FAM171B: variants seen among roughly 807,000 people sequenced by gnomAD.
FAM171B encodes the protein protein FAM171B.
In FAM171B, 19 loss-of-function variants were observed where a neutral mutation model predicts 75.6. That is an observed-to-expected ratio of 0.25 (90% CI 0.18 to 0.37). The LOEUF is 0.37. Ranked by LOEUF, FAM171B falls within the 10% of genes least tolerant of loss-of-function variation. The pLI, the probability that FAM171B is intolerant of heterozygous loss-of-function variation, is 1.00. For missense variants in FAM171B, 848 were observed against 982.4 expected (o/e 0.86, Z 1.83); for synonymous variants, 367 against 361.7 (o/e 1.01, Z -0.17).
chr2:186,751,497 C>CA (rs768653316), intron 5 of FAM171B, among the ~76,000 whole-genome samples, 193 bp downstream of exon 5: 2 of 151,904 alleles, frequency 1.3e-5, no homozygotes, highest in South Asian at 2.1e-4. Flanking sequence ...ATACACATGT[C>CA]AAAAAAATAG....
Position 186,762,576 on chromosome 2 carries a change from G to T in FAM171B, c.2234G>T (p.Ser745Ile). Residue 745 changes from serine (S) to isoleucine (I), a missense_variant, in exon 8 of 8, where the codon AGC (serine) becomes ATC (isoleucine). Transcript: ENST00000304698. This position sits in a 1 kb window ranked among gnomAD's most constrained non-coding sequence, Gnocchi z 4.0. Reference sequence around the variant, plus strand: ...TACTTAGAAGATTTAGACCTAAGCAGCAGTGAGAGTGGAACCACCGTCTGT... The same window carrying T: ...TACTTAGAAGATTTAGACCTAAGCATCAGTGAGAGTGGAACCACCGTCTGT... ...ILYLEDLDLS[S>I]SESGTTVCSP... 1 of 1,613,550 alleles carries T rather than the reference G, an allele frequency of 6.2e-7. No homozygotes were observed. The highest frequency in any genetic ancestry group is 8.5e-7 in the Non-Finnish European group (1 of 1,179,684).
In FAM171B at chr2:186,763,429, G is replaced by T. The variant is rs1690653794; in HGVS notation, c.*606G>T. 1.3e-5 allele frequency: 2 copies of T among 152,124 alleles called. No homozygotes were observed. Among genetic ancestry groups the T allele is most frequent in the Non-Finnish European group, 2.9e-5 (2 of 68,004 alleles). The allele number at this position is 152,124 out of a possible 1,614,324, so 9.4% of individuals were successfully genotyped here. A position where few individuals can be genotyped will look rare whatever the true frequency, so the allele number is the denominator to read the frequency against. On this transcript the variant is annotated 3_prime_UTR_variant, in exon 8 of 8. Transcript: ENST00000304698. ...TGGGCAAGAAGCTACTTGGTCATTA[G>T]AGAGGGAGACACCAGCTCTTTGGTT...
At chr2:186,759,715 C>T (rs1039194048) in intron 6 of FAM171B, among the ~76,000 whole-genome samples, 2 of 151,716 alleles carry the variant, frequency 1.3e-5, no homozygotes, top group African/African-American at 4.8e-5. Context: ...GAGTTGAGTT[C>T]CTTATATATT....
intron 1 of FAM171B, among the ~76,000 whole-genome samples, chr2:186,701,183 A>G (rs1323380035): frequency 6.6e-6 from 1 of 152,028 alleles, no homozygotes; most frequent in African/African-American, 2.4e-5. Context: ...AGCCTCCCAA[A>G]ATGCTAGGAT....
intron 1 of FAM171B, among the ~76,000 whole-genome samples, chr2:186,720,711 A>G (rs1383419899): frequency 7.0e-6 from 1 of 141,946 alleles, no homozygotes; most frequent in Non-Finnish European, 1.6e-5. Flanking sequence ...AAAAAAAAAA[A>G]AAAAAGAAAA....
At chr2:186,703,305 G>A (rs1377327818) in intron 1 of FAM171B, among the ~76,000 whole-genome samples, 1 of 152,128 alleles carries the variant, frequency 6.6e-6, no homozygotes, top group Non-Finnish European at 1.5e-5. Context: ...TTACTTGGCT[G>A]AACCAACAGC....
At chr2:186,744,850 A>G (rs1283091947) in intron 3 of FAM171B, among the ~76,000 whole-genome samples, 40 of 99,340 alleles carry the variant, frequency 4.0e-4, no homozygotes, top group African/African-American at 1.7e-3. Flanking sequence ...TTTTTTTTTG[A>G]GACAGTGTCT....
intron 6 of FAM171B, among the ~76,000 whole-genome samples, 161 bp downstream of exon 6, chr2:186,754,210 G>C (rs1160101148): frequency 6.6e-6 from 1 of 152,056 alleles, no homozygotes; most frequent in Non-Finnish European, 1.5e-5. Context: ...ATGTGTATCA[G>C]ATTAAGCGCC....
At chr2:186,734,748 C>T (rs1690172524) in intron 1 of FAM171B, among the ~76,000 whole-genome samples, 1 of 152,200 alleles carries the variant, frequency 6.6e-6, no homozygotes, top group South Asian at 2.1e-4. Flanking sequence ...ACCCGCAATC[C>T]TGTGTGGAGC....
At chr2:186,745,674 T>C (rs1172760329) in intron 3 of FAM171B, among the ~76,000 whole-genome samples, 2 of 152,232 alleles carry the variant, frequency 1.3e-5, no homozygotes, top group East Asian at 1.9e-4. Flanking sequence ...AAATTAAGCC[T>C]GTGTGTTTAT....
chr2:186,719,108 A>G (rs1689915085), intron 1 of FAM171B, among the ~76,000 whole-genome samples: 1 of 152,198 alleles, frequency 6.6e-6, no homozygotes, highest in Non-Finnish European at 1.5e-5. Flanking sequence ...AAAACCGTAC[A>G]ATTTACTAAG....
chr2:186,750,463 A>G, intron 4 of FAM171B, among the ~76,000 whole-genome samples: 1 of 152,196 alleles, frequency 6.6e-6, no homozygotes, highest in East Asian at 1.9e-4. Flanking sequence ...TATTATATTT[A>G]AAATCTAAGT....
At chr2:186,714,303 A>G (rs1266940813) in intron 1 of FAM171B, among the ~76,000 whole-genome samples, 1 of 152,168 alleles carries the variant, frequency 6.6e-6, no homozygotes, top group African/African-American at 2.4e-5. Context: ...TGAGTTCTCA[A>G]ATTGGTAGGG....
intron 1 of FAM171B, among the ~76,000 whole-genome samples, chr2:186,727,053 C>G (rs1690044532): frequency 6.6e-6 from 1 of 152,092 alleles, no homozygotes; most frequent in South Asian, 2.1e-4. Flanking sequence ...TCTGCAACGC[C>G]TCCTCTTCCC....
intron 1 of FAM171B, among the ~76,000 whole-genome samples, chr2:186,707,782 A>G (rs1244590645): frequency 6.6e-6 from 1 of 151,764 alleles, no homozygotes; most frequent in Non-Finnish European, 1.5e-5. Context: ...CTCCACCCCA[A>G]TCACCTGGAT....
chr2:186,715,796 G>A (rs543175754), intron 1 of FAM171B, among the ~76,000 whole-genome samples: 55 of 152,250 alleles, frequency 3.6e-4, no homozygotes, highest in African/African-American at 1.3e-3. Flanking sequence ...TAGAGTTTAA[G>A]CAGGAAATAG....
rs553210489 is a variant in FAM171B, at chr2:186,704,364, C to T, written c.238+9953C>T. Reference sequence around the variant, plus strand: ...TTAAAAAAACAGAAGTATTCCCTTCCCGGGTTATACTAATATCTATGCTTT... The same window carrying T: ...TTAAAAAAACAGAAGTATTCCCTTCTCGGGTTATACTAATATCTATGCTTT... On this transcript the variant is annotated intron_variant, in intron 1 of 7. Coordinates refer to ENST00000304698, the MANE Select transcript of FAM171B (RefSeq NM_177454.4). 3.1e-3 allele frequency among the ~76,000 whole-genome samples: 464 copies of T among 152,050 alleles called. 4 individuals are homozygous for T. The highest frequency in any genetic ancestry group is 0.011 in the African/African-American group (445 of 41,486).
At position 186,694,071 on chromosome 2, in the gene FAM171B, G is replaced by C; in HGVS notation, c.-103G>C. On this transcript the variant is annotated 5_prime_UTR_variant, in exon 1 of 8. Transcript: ENST00000304698. ...TGAGGGAGTGCTTGGCAGATTGCGCGAGGGGGAGCGAGCGAGCGGGCGCTG... is the reference window on the plus strand; with the variant it reads ...TGAGGGAGTGCTTGGCAGATTGCGCCAGGGGGAGCGAGCGAGCGGGCGCTG... 2.2e-6 allele frequency: 3 copies of C among 1,361,772 alleles called. No individual in the cohort carries two copies. The highest frequency in any genetic ancestry group is 2.8e-6 in the Non-Finnish European group (3 of 1,058,534). 84.4% of individuals were successfully genotyped at this position (1,361,772 alleles called of 1,614,324 possible).
In FAM171B at chr2:186,762,226, G is replaced by A. The variant is rs1690629527; in HGVS notation, c.1884G>A (p.Leu628=). 6.2e-7 allele frequency: 1 copy of A among 1,613,686 alleles called. No homozygotes were observed. The highest frequency in any genetic ancestry group is 8.5e-7 in the Non-Finnish European group (1 of 1,179,774). The change falls in exon 8 of 8, where the codon CTG becomes CTA. Residue 628 remains leucine, a synonymous_variant. Coordinates refer to ENST00000304698, the MANE Select transcript of FAM171B (RefSeq NM_177454.4). The surrounding 1 kb of genome is among the most constrained non-coding windows in gnomAD (Gnocchi z 4.0). ...SDWSRYSSSL[L]ESVSVPGTLN... ...GGAGCCGATACTCAAGCAGCTTACT[G>A]GAATCCGTCTCTGTTCCTGGAACAC...
Sources: gnomAD v4.1 joint callset for allele counts (sites outside exome capture counted in the v4.1 genomes callset) on GRCh38, gnomAD v4.1.1 for gene constraint, Gnocchi (gnomAD v3.1) non-coding constraint, MANE v1.5 for transcripts, NCBI Gene and HGNC (gene_info 2026-07-23, HGNC 2026-07-21) for gene names.